The following CEP112 variants were observed in gnomAD, a reference collection of about 807,000 sequenced individuals.
The protein encoded by CEP112 is centrosomal protein of 112 kDa.
CEP112 carries 127 observed loss-of-function variants against 153.0 expected under a neutral mutation model. The ratio of observed to expected loss-of-function variants is 0.83; its 90% CI spans 0.72 to 0.96. CEP112 has a LOEUF of 0.96. Ranked by LOEUF, CEP112 falls within the 40% of genes least tolerant of loss-of-function variation. The pLI is 0.00. For synonymous variants in CEP112, 358 were observed against 374.4 expected (o/e 0.96, Z 0.51); for missense variants, 1,089 against 1,101.2 (o/e 0.99, Z 0.16).
At chr17:66,062,507 G>A (rs1255799209) in intron 11 of CEP112, among the ~76,000 whole-genome samples, 1 of 151,830 alleles carries the variant, frequency 6.6e-6, no homozygotes, top group African/African-American at 2.4e-5. Flanking sequence ...ATATCACACT[G>A]TACCCTAAAA....
chr17:66,146,961 T>TA (rs2146650221), intron 4 of CEP112, among the ~76,000 whole-genome samples: 1 of 152,308 alleles, frequency 6.6e-6, no homozygotes, highest in South Asian at 2.1e-4. Context: ...ATAATGCTGC[T>TA]ATGAAGATGA....
chr17:65,761,648 T>C (rs2052618268), intron 21 of CEP112, among the ~76,000 whole-genome samples: 1 of 152,168 alleles, frequency 6.6e-6, no homozygotes, highest in Admixed American at 6.6e-5. Flanking sequence ...ATTTCTTCTT[T>C]GACCCGTGTG....
intron 20 of CEP112, among the ~76,000 whole-genome samples, chr17:65,865,099 T>C (rs566206915): frequency 2.6e-5 from 4 of 152,174 alleles, no homozygotes; most frequent in African/African-American, 9.6e-5. Flanking sequence ...TGGAGTGCAG[T>C]GTCATGATCT....
chr17:65,718,385 G>A (rs1405926597), intron 23 of CEP112, among the ~76,000 whole-genome samples: 2 of 149,862 alleles, frequency 1.3e-5, no homozygotes, highest in African/African-American at 4.9e-5. Context: ...TCCAGCCTGG[G>A]CAACAAGAGC....
chr17:65,773,065 G>C (rs2053474061), intron 21 of CEP112, among the ~76,000 whole-genome samples: 1 of 152,194 alleles, frequency 6.6e-6, no homozygotes, highest in Admixed American at 6.5e-5. Context: ...GAAACCGAGA[G>C]ACCCAGCAGA....
In CEP112 at chr17:65,771,076, C is replaced by A. The variant is rs7212898; in HGVS notation, c.2395-20352G>T. On this transcript the variant is annotated intron_variant, in intron 21 of 26. Coordinates refer to ENST00000535342, the MANE Select transcript of CEP112 (RefSeq NM_001199165.4). ...AAGTAGCCTAAAAATTCCAACTAAT[C>A]GGCAAAGCTTATCACTGTGTTTTTA... 1.5e-3 allele frequency among the ~76,000 whole-genome samples: 226 copies of A among 151,936 alleles called. 2 individuals are homozygous for A. The highest frequency in any genetic ancestry group is 5.4e-3 in the African/African-American group (223 of 41,494).
chr17:65,761,774 C>G (rs2052628182), intron 21 of CEP112, among the ~76,000 whole-genome samples: 1 of 152,042 alleles, frequency 6.6e-6, no homozygotes, highest in Non-Finnish European at 1.5e-5. Context: ...GATTTCTACT[C>G]TTTTAAATTT....
At chr17:65,959,249 G>T (rs1478209888) in intron 18 of CEP112, among the ~76,000 whole-genome samples, 1 of 152,134 alleles carries the variant, frequency 6.6e-6, no homozygotes, top group East Asian at 1.9e-4. Flanking sequence ...CTACCTGTCT[G>T]CAGAGACGGG....
At chr17:66,180,249 T>G (rs1229113531) in intron 2 of CEP112, among the ~76,000 whole-genome samples, 1 of 152,140 alleles carries the variant, frequency 6.6e-6, no homozygotes, top group East Asian at 1.9e-4. Flanking sequence ...TTGAATAGTT[T>G]GAGTAAGATT....
intron 22 of CEP112, among the ~76,000 whole-genome samples, chr17:65,744,715 G>A (rs1335581024): frequency 2.6e-5 from 4 of 152,248 alleles, no homozygotes; most frequent in South Asian, 2.1e-4. Context: ...TCCAGACAGC[G>A]TTCTTCTAAC....
intron 23 of CEP112, among the ~76,000 whole-genome samples, chr17:65,720,380 T>C (rs1179336052): frequency 6.6e-6 from 1 of 152,064 alleles, no homozygotes; most frequent in Non-Finnish European, 1.5e-5. Flanking sequence ...CAGAGCCTAG[T>C]AAGAAAAGGA....
At chr17:65,784,647 A>G (rs1013808648) in intron 21 of CEP112, among the ~76,000 whole-genome samples, 2 of 151,908 alleles carry the variant, frequency 1.3e-5, no homozygotes, top group African/African-American at 2.4e-5. Context: ...TGCCTGGCAA[A>G]TTTTTGTATT....
chr17:65,698,778 G>A (rs1002213375), intron 23 of CEP112, among the ~76,000 whole-genome samples: 2 of 152,102 alleles, frequency 1.3e-5, no homozygotes, highest in Non-Finnish European at 1.5e-5. Flanking sequence ...CAAGATCATA[G>A]AGGAATTTCC....
At chr17:65,984,335 G>A (rs2063329538) in intron 17 of CEP112, among the ~76,000 whole-genome samples, 1 of 152,138 alleles carries the variant, frequency 6.6e-6, no homozygotes, top group Non-Finnish European at 1.5e-5. Flanking sequence ...GGGGTCAGTG[G>A]TGCCAGATCT....
chr17:66,078,908 T>C (rs1401403309), intron 8 of CEP112, among the ~76,000 whole-genome samples: 1 of 152,136 alleles, frequency 6.6e-6, no homozygotes, highest in Non-Finnish European at 1.5e-5. Context: ...GATACAAAAT[T>C]CTTGGCTGAT....
intron 21 of CEP112, among the ~76,000 whole-genome samples, chr17:65,823,007 G>A (rs2056663445): frequency 6.6e-6 from 1 of 152,040 alleles, no homozygotes; most frequent in African/African-American, 2.4e-5. Context: ...CAAAATATGT[G>A]CAACCTCTAG....
At chr17:65,704,914 GTCAAAAACGTTTA>G (rs1311783649) in intron 23 of CEP112, among the ~76,000 whole-genome samples, 3 of 152,228 alleles carry the variant, frequency 2.0e-5, no homozygotes, top group Non-Finnish European at 4.4e-5. Context: ...CTGACACATT[GTCAAAAACGTTTA>G]TCATGCAACC....
At chr17:65,707,429 G>A (rs934651020) in intron 23 of CEP112, among the ~76,000 whole-genome samples, 2 of 152,008 alleles carry the variant, frequency 1.3e-5, no homozygotes, top group Non-Finnish European at 2.9e-5. Flanking sequence ...CATTCTACAC[G>A]TCAGGTCTGT....
intron 1 of CEP112, among the ~76,000 whole-genome samples, chr17:66,189,867 C>CA (rs144432387): frequency 0.061 from 9,212 of 151,652 alleles, 291 homozygotes; most frequent in East Asian, 0.1. Flanking sequence ...CCTGTCTCTA[C>CA]AAAAAAATAC....
Sources: allele counts gnomAD v4.1 joint callset (sites outside exome capture counted in the v4.1 genomes callset), GRCh38; gene constraint gnomAD v4.1.1; transcripts MANE v1.5; gene names NCBI Gene and HGNC (gene_info 2026-07-23, HGNC 2026-07-21).